Variants in DCAF8 observed in about 807,000 individuals in gnomAD.
DCAF8 encodes DDB1 and CUL4 associated factor 8.
DCAF8 carries 20 observed loss-of-function variants against 68.0 expected under a neutral mutation model. The ratio of observed to expected loss-of-function variants is 0.29; its 90% CI spans 0.21 to 0.43. The LOEUF is 0.43. Ranked by LOEUF, DCAF8 falls within the 20% of genes least tolerant of loss-of-function variation. The pLI is 1.00. For missense variants in DCAF8, 460 were observed against 771.0 expected, an observed-to-expected ratio of 0.60 and a Z score of 4.78; for synonymous variants, 230 against 276.9, an observed-to-expected ratio of 0.83 and a Z score of 1.68.
At chr1:160,247,980 A>G (rs1191336064) in intron 2 of DCAF8, among the ~76,000 whole-genome samples, 1 of 152,218 alleles carries the variant, frequency 6.6e-6, no homozygotes, top group East Asian at 1.9e-4. Flanking sequence ...AGCACATACA[A>G]AAAAATTAAT....
In DCAF8 at chr1:160,217,055, G is replaced by A. The variant is rs779045417; in HGVS notation, c.*537C>T. ...AGTGTGGGATGGTTAGGGGCTTTAA[G>A]GACTTCCCAGGAAAATAGGATTCTG... is the stretch of plus-strand genomic sequence containing the variant. On this transcript the variant is annotated 3_prime_UTR_variant, in exon 14 of 14. Transcript: ENST00000368074. The A allele has an allele frequency of 5.9e-5, 9 of 152,478 alleles. No homozygotes were observed. Among genetic ancestry groups the A allele is most frequent in the Non-Finnish European group, 1.3e-4 (9 of 68,054 alleles). 9.4% of individuals were successfully genotyped at this position (152,478 alleles called of 1,614,324 possible). A position where few individuals can be genotyped will look rare whatever the true frequency, so the allele number is the denominator to read the frequency against.
In DCAF8 at chr1:160,218,308, T is replaced by A. The variant is rs1655190125; in HGVS notation, c.1677+16A>T. On this transcript the variant is annotated intron_variant, in intron 13 of 13. Transcript: ENST00000368074. ...AGGGTCACTCCCTTGGGAATTCATTTCCAACCCTAGCTTACCCGGTGATGG... is the reference window on the plus strand; with the variant it reads ...AGGGTCACTCCCTTGGGAATTCATTACCAACCCTAGCTTACCCGGTGATGG... 6 of 1,603,662 alleles carry A rather than the reference T, an allele frequency of 3.7e-6. No homozygotes were observed. The East Asian group carries it at 1.3e-4, about 36-fold the overall frequency.
intron 7 of DCAF8, among the ~76,000 whole-genome samples, chr1:160,228,031 C>T (rs1427570221): frequency 6.6e-6 from 1 of 151,890 alleles, no homozygotes; most frequent in Non-Finnish European, 1.5e-5. Flanking sequence ...GTTGGGACTA[C>T]AGGAGCATAC....
chr1:160,260,296 T>C (rs911266313), intron 2 of DCAF8, among the ~76,000 whole-genome samples: 3 of 152,202 alleles, frequency 2.0e-5, no homozygotes, highest in Non-Finnish European at 4.4e-5. Flanking sequence ...GTCTAGTATT[T>C]AAACCTTAAA....
intron 11 of DCAF8, among the ~76,000 whole-genome samples, chr1:160,221,499 T>G (rs536969499): frequency 2.6e-5 from 4 of 152,102 alleles, no homozygotes; most frequent in Non-Finnish European, 4.4e-5. Context: ...AGAAGAAAAT[T>G]TGAAATACCC....
chr1:160,254,242 A>C (rs1409493429), intron 2 of DCAF8, among the ~76,000 whole-genome samples: 1 of 152,162 alleles, frequency 6.6e-6, no homozygotes, highest in Admixed American at 6.5e-5. Flanking sequence ...GAATCGCATG[A>C]AACTGGAAGG....
At chr1:160,229,494 A>AATAC (rs1655596789) in intron 7 of DCAF8, among the ~76,000 whole-genome samples, 1 of 152,158 alleles carries the variant, frequency 6.6e-6, no homozygotes, top group Non-Finnish European at 1.5e-5. Flanking sequence ...AATACATATG[A>AATAC]ATACATACAT....
chr1:160,239,557 T>A (rs776475469), intron 4 of DCAF8, 140 bp downstream of exon 4: 1 of 1,580,300 alleles, frequency 6.3e-7, no homozygotes, highest in Middle Eastern at 1.7e-4. Context: ...ATTTAGGTCA[T>A]TAGGGGAGCC....
chr1:160,220,436 A>G (rs900273967), intron 11 of DCAF8: 1 of 152,280 alleles, frequency 6.6e-6, no homozygotes, highest in African/African-American at 2.4e-5. Context: ...TGGCAAGAGG[A>G]ACAAGAGAAT....
intron 2 of DCAF8, among the ~76,000 whole-genome samples, chr1:160,250,317 T>C (rs1439842348): frequency 6.6e-6 from 1 of 151,804 alleles, no homozygotes; most frequent in Non-Finnish European, 1.5e-5. Context: ...TACAAAAATA[T>C]TAGCCGGGCG....
intron 2 of DCAF8, among the ~76,000 whole-genome samples, chr1:160,250,679 C>A (rs1656554561): frequency 1.3e-5 from 2 of 152,070 alleles, no homozygotes; most frequent in African/African-American, 4.8e-5. Flanking sequence ...TTTGCTGCAA[C>A]CAAGACTGCC....
At position 160,244,043 on chromosome 1, in the gene DCAF8, G is replaced by A. The variant is rs774658380; in HGVS notation, c.-26-9C>T. On this transcript the variant is annotated splice_polypyrimidine_tract_variant and intron_variant, in intron 2 of 13. Transcript: ENST00000368074. The stretch of plus-strand genomic sequence containing the variant: ...TGTTTGCTGTAGCCAGCCTGGGTTT[G>A]GGAGAGGAAGAAACCAAAACAATTA... The A allele has an allele frequency of 6.2e-7, 1 of 1,613,020 alleles. No individual in the cohort carries two copies. Among genetic ancestry groups the A allele is most frequent in the Non-Finnish European group, 8.5e-7 (1 of 1,179,044 alleles).
At chr1:160,253,852 G>C (rs1014068645) in intron 2 of DCAF8, among the ~76,000 whole-genome samples, 1 of 151,366 alleles carries the variant, frequency 6.6e-6, no homozygotes, top group Non-Finnish European at 1.5e-5. Flanking sequence ...AAACCAAGAA[G>C]GTAAGGAGGA....
At chr1:160,247,197 G>A (rs1186490722) in intron 2 of DCAF8, among the ~76,000 whole-genome samples, 2 of 152,154 alleles carry the variant, frequency 1.3e-5, no homozygotes, top group African/African-American at 4.8e-5. Flanking sequence ...GTAGTTGGAG[G>A]AGTTTAATTA....
intron 2 of DCAF8, among the ~76,000 whole-genome samples, chr1:160,248,895 C>CAA (rs58635711): frequency 1.8e-4 from 25 of 137,348 alleles, no homozygotes; most frequent in African/African-American, 6.1e-4. Flanking sequence ...GACACCATCT[C>CAA]AAAAAAAAAA....
intron 4 of DCAF8, 174 bp downstream of exon 4, chr1:160,239,522 AG>A (rs780276373): frequency 1.1e-5 from 17 of 1,515,658 alleles, no homozygotes; most frequent in Non-Finnish European, 1.4e-5. Flanking sequence ...CAAGGAATCT[AG>A]GGTTGCCAAG....
intron 2 of DCAF8, among the ~76,000 whole-genome samples, chr1:160,256,729 T>C (rs966888660): frequency 6.6e-6 from 1 of 152,204 alleles, no homozygotes; most frequent in African/African-American, 2.4e-5. Flanking sequence ...ATTAATACAT[T>C]TCATTAATAA....
intron 2 of DCAF8, among the ~76,000 whole-genome samples, chr1:160,253,647 C>CAAAAAA (rs747211563): frequency 5.2e-4 from 14 of 26,952 alleles, no homozygotes; most frequent in East Asian, 1.3e-3. Context: ...GACTCCATCT[C>CAAAAAA]AAAAAAAAAA....
intron 2 of DCAF8, among the ~76,000 whole-genome samples, chr1:160,249,531 A>G (rs894076166): frequency 6.6e-6 from 1 of 152,126 alleles, no homozygotes; most frequent in African/African-American, 2.4e-5. Context: ...AGAGGCTCAG[A>G]CCTGTTATCC....
Sources: gnomAD v4.1 joint callset for allele counts (sites outside exome capture counted in the v4.1 genomes callset) on GRCh38, gnomAD v4.1.1 for gene constraint, MANE v1.5 for transcripts, NCBI Gene and HGNC (gene_info 2026-07-23, HGNC 2026-07-21) for gene names.